The following ARHGAP39 variants were observed in gnomAD, a reference collection of about 807,000 sequenced individuals.
The protein encoded by ARHGAP39 is rho GTPase-activating protein 39.
ARHGAP39 carries 44 observed loss-of-function variants against 106.9 expected under a neutral mutation model. That is an observed-to-expected ratio of 0.41 (90% CI 0.32 to 0.53). The LOEUF is 0.53. Among genes scored for constraint, ARHGAP39 ranks in the 20% least tolerant of loss-of-function variants. The pLI, the probability that ARHGAP39 is intolerant of heterozygous loss-of-function variation, is 0.21. For missense variants in ARHGAP39, 1,496 were observed against 1,577.3 expected (o/e 0.95, Z 0.87); for synonymous variants, 768 against 693.2 (o/e 1.11, Z -1.69).
intron 10 of ARHGAP39, 100 bp downstream of exon 10, chr8:144,532,205 T>G: frequency 1.0e-6 from 1 of 962,970 alleles, no homozygotes; most frequent in Non-Finnish European, 1.6e-6. Flanking sequence ...ATCACATCAC[T>G]GGGCAGGATC....
In ARHGAP39 at chr8:144,670,100, G is replaced by A. The variant is rs1423190123; in HGVS notation, c.-82+15586C>T. On this transcript the variant is annotated intron_variant, in intron 1 of 11. Transcript: ENST00000377307. The surrounding 1 kb of genome is among the most constrained non-coding windows in gnomAD (Gnocchi z 4.4). ...ACGGGGTTGACCTGTACAACGGAAC[G>A]TCCCTCAGCAATAAAAAGCAACAGA... Among the ~76,000 whole-genome samples the A allele has an allele frequency of 6.6e-6, 1 of 152,196 alleles. No homozygotes were observed. Among genetic ancestry groups the A allele is most frequent in the East Asian group, 1.9e-4 (1 of 5,198 alleles).
At chr8:144,575,115 T>C (rs1293860536) in intron 3 of ARHGAP39, among the ~76,000 whole-genome samples, 2 of 152,140 alleles carry the variant, frequency 1.3e-5, no homozygotes, top group South Asian at 4.1e-4. Flanking sequence ...AGTAAAAATA[T>C]GGTATAAAAG....
rs1002129696 is a variant in ARHGAP39 at position 144,674,802 on chromosome 8, G to C, written c.-82+10884C>G. Among the ~76,000 whole-genome samples, 16 of 152,358 alleles carry C rather than the reference G, an allele frequency of 1.1e-4. No individual in the cohort carries two copies. The East Asian group carries it at 1.9e-3, about 18-fold the overall frequency. On this transcript the variant is annotated intron_variant, in intron 1 of 11. Coordinates refer to ENST00000377307, the MANE Select transcript of ARHGAP39 (RefSeq NM_025251.3). ...CCCAAAGTCCGAAGGCGGCCGAGAA[G>C]GCAGGGGGCTGGCATGTCAGTTTTG...
Position 144,645,834 on chromosome 8 carries a change from G to T in ARHGAP39, c.-82+39852C>A, listed in dbSNP as rs1821431137. Reference sequence around the variant, plus strand: ...CTGAGCGAGGCCAGGGCTGCAGGGGGAGCTGGGGGCAGCAGGGAGGACAGA... The same window carrying T: ...CTGAGCGAGGCCAGGGCTGCAGGGGTAGCTGGGGGCAGCAGGGAGGACAGA... On this transcript the variant is annotated intron_variant, in intron 1 of 11. Coordinates refer to ENST00000377307, the MANE Select transcript of ARHGAP39 (RefSeq NM_025251.3). This position sits in a 1 kb window ranked among gnomAD's most constrained non-coding sequence, Gnocchi z 4.4. 6.6e-6 allele frequency among the ~76,000 whole-genome samples: 1 copy of T among 152,226 alleles called. No individual in the cohort carries two copies. The highest frequency in any genetic ancestry group is 1.9e-4 in the East Asian group (1 of 5,200).
intron 2 of ARHGAP39, among the ~76,000 whole-genome samples, chr8:144,601,595 TGC>T (rs1819952553): frequency 7.3e-6 from 1 of 137,586 alleles, no homozygotes; most frequent in African/African-American, 2.8e-5. Flanking sequence ...GAGGTGTGTG[TGC>T]GAGCTCATGT....
intron 2 of ARHGAP39, among the ~76,000 whole-genome samples, chr8:144,598,291 C>A (rs1434576813): frequency 6.6e-6 from 1 of 152,212 alleles, no homozygotes; most frequent in Non-Finnish European, 1.5e-5. Flanking sequence ...AAACTCGGAA[C>A]CCAGCCGTGG....
intron 2 of ARHGAP39, among the ~76,000 whole-genome samples, chr8:144,582,888 T>C (rs1586578307): frequency 6.6e-6 from 1 of 152,112 alleles, no homozygotes; most frequent in South Asian, 2.1e-4. Flanking sequence ...GGCGAGGTGG[T>C]GGGGGTCCTG....
intron 1 of ARHGAP39, among the ~76,000 whole-genome samples, chr8:144,668,961 G>A (rs1487258165): frequency 6.6e-6 from 1 of 151,988 alleles, no homozygotes; most frequent in South Asian, 2.1e-4. Flanking sequence ...ACGGGCATGA[G>A]GACAGATACA....
intron 3 of ARHGAP39, among the ~76,000 whole-genome samples, chr8:144,561,157 C>A (rs1353324681): frequency 6.6e-6 from 1 of 152,152 alleles, no homozygotes; most frequent in Admixed American, 6.6e-5. Context: ...GTTTCCATCA[C>A]ACCCCAGTGG....
intron 2 of ARHGAP39, among the ~76,000 whole-genome samples, chr8:144,601,692 GCA>G (rs1819961922): frequency 1.5e-5 from 2 of 135,380 alleles, no homozygotes; most frequent in African/African-American, 2.8e-5. Context: ...GTACCTGTGT[GCA>G]TGTGTGTGGT....
In ARHGAP39 at chr8:144,549,563, C is replaced by T. The variant is rs535509611; in HGVS notation, c.597-1074G>A. On this transcript the variant is annotated intron_variant, in intron 4 of 11. Transcript: ENST00000377307. Reference sequence around the variant, plus strand: ...GCTGGAGTATAGCGGCACGGTCTTGCCTCACTGTAACCTCTGCCTCCCAAG... The same window carrying T: ...GCTGGAGTATAGCGGCACGGTCTTGTCTCACTGTAACCTCTGCCTCCCAAG... Among the ~76,000 whole-genome samples, 799 of 152,182 alleles carry T rather than the reference C, an allele frequency of 5.3e-3. 6 individuals are homozygous for T. Among genetic ancestry groups the T allele is most frequent in the South Asian group, 0.021 (103 of 4,828 alleles).
intron 1 of ARHGAP39, among the ~76,000 whole-genome samples, 76 bp downstream of exon 1, chr8:144,685,610 C>G (rs1822568511): frequency 6.7e-6 from 1 of 148,946 alleles, no homozygotes; most frequent in South Asian, 2.1e-4. Context: ...GGGCCAGGAC[C>G]ACGGGGACCG....
intron 1 of ARHGAP39, among the ~76,000 whole-genome samples, chr8:144,661,240 G>A (rs1821814723): frequency 6.6e-6 from 1 of 152,190 alleles, no homozygotes; most frequent in Non-Finnish European, 1.5e-5. Flanking sequence ...ACACACAGGA[G>A]GAGGCCATTC....
chr8:144,698,763 C>T, the ARHGAP39 span: 2 of 453,206 alleles, frequency 4.4e-6, no homozygotes, highest in South Asian at 3.1e-5. Context: ...CATGAGTGTC[C>T]TTGGCCATGA....
rs752987448 is a variant in ARHGAP39, at chr8:144,547,435, C to T, written c.1651G>A (p.Glu551Lys). 7.0e-6 allele frequency: 11 copies of T among 1,581,238 alleles called. No individual in the cohort carries two copies. In the South Asian group the frequency reaches 1.0e-4, roughly 15 times the overall value. ...AGCCGAGCCTGCGCCAGGAAGGGCT[C>T]GGCCGCGCCCCGCGCCCCTTCGGCC... ...GEAEGARGAA[E>K]PFLAQARLAW... The change falls in exon 5 of 12, where the codon GAG becomes AAG. Residue 551 changes from glutamate (E) to lysine (K), a missense_variant. Physicochemically the swap from Glu to Lys is moderately conservative, Grantham distance 56. This residue lies in a region of ARHGAP39 where 905 missense variants were observed against 816.4 expected (regional missense o/e 1.11). Transcript: ENST00000377307. The surrounding 1 kb of genome is among the most constrained non-coding windows in gnomAD (Gnocchi z 5.2).
At position 144,667,767 on chromosome 8, in the gene ARHGAP39, G is replaced by C. The variant is rs978926626; in HGVS notation, c.-82+17919C>G. ...CTCCAACCTTGGTTTCCTCATCTAT[G>C]AAACAGGACCAAGAGCACCCACTGC... On this transcript the variant is annotated intron_variant, in intron 1 of 11. Transcript: ENST00000377307. Among the ~76,000 whole-genome samples, 9 of 152,290 alleles carry C rather than the reference G, an allele frequency of 5.9e-5. No homozygotes were observed. The East Asian group carries it at 1.7e-3, about 29-fold the overall frequency.
intron 2 of ARHGAP39, among the ~76,000 whole-genome samples, chr8:144,597,097 G>A (rs563348255): frequency 6.6e-6 from 1 of 152,356 alleles, no homozygotes; most frequent in South Asian, 2.1e-4. Flanking sequence ...CTGTGCCCAA[G>A]GAGACAGAGG....
Position 144,534,144 on chromosome 8 carries a change from C to T in ARHGAP39, c.2673G>A (p.Leu891=), listed in dbSNP as rs528934517. Reference sequence around the variant, plus strand: ...GCACCCGTACCTTCTTGGCCCCGGTCAGGGCTGCCTTCTGTAGCTTGTGGT... The same window carrying T: ...GCACCCGTACCTTCTTGGCCCCGGTTAGGGCTGCCTTCTGTAGCTTGTGGT... ...YCYHKLQKAA[L]TGAKKGLKKP... is the part of the protein sequence containing the mutation. Residue 891 remains leucine (L), a synonymous_variant, in exon 8 of 12, where the codon CTG becomes CTA. Transcript: ENST00000377307. 1.2e-6 allele frequency: 2 copies of T among 1,613,184 alleles called. No homozygotes were observed. The highest frequency in any genetic ancestry group is 2.7e-5 in the African/African-American group (2 of 75,014).
chr8:144,606,557 C>T lies in ARHGAP39; in HGVS notation c.-81-862G>A, dbSNP rs577878359. Among the ~76,000 whole-genome samples, 125 of 152,038 alleles carry T rather than the reference C, an allele frequency of 8.2e-4. 1 individual carries two copies. In the Middle Eastern group the frequency reaches 0.02, roughly 25 times the overall value. ...TGCACGTGAATTGACTGTTGTTATC[C>T]GAAGGCTTCCCATCAACAGCAGGCT... is the stretch of plus-strand genomic sequence containing the variant. On this transcript the variant is annotated intron_variant, in intron 1 of 11. Transcript: ENST00000377307.
Sources: gnomAD v4.1 joint callset for allele counts (sites outside exome capture counted in the v4.1 genomes callset) on GRCh38, gnomAD v4.1.1 for gene constraint, gnomAD v4.1.1 regional missense constraint, Gnocchi (gnomAD v3.1) non-coding constraint, MANE v1.5 for transcripts, NCBI Gene and HGNC (gene_info 2026-07-23, HGNC 2026-07-21) for gene names.